COL26A1: variants seen among roughly 807,000 people sequenced by gnomAD.
COL26A1 encodes collagen alpha-1(XXVI) chain.
In COL26A1, 41 loss-of-function variants were observed where a neutral mutation model predicts 59.3. That is an observed-to-expected ratio of 0.69 (90% CI 0.54 to 0.90). COL26A1 has a LOEUF of 0.90. COL26A1 is among the 40% of genes least tolerant of loss of function. The probability of loss-of-function intolerance (pLI) is 0.00; values close to 1 mark genes in which losing one functional copy is unlikely to be tolerated. For synonymous variants in COL26A1, 266 were observed against 256.0 expected (o/e 1.04, Z -0.37); for missense variants, 612 against 602.3 (o/e 1.02, Z -0.17).
chr7:101,430,605 A>G (rs1235669841), intron 2 of COL26A1, among the ~76,000 whole-genome samples: 1 of 150,908 alleles, frequency 6.6e-6, no homozygotes, highest in African/African-American at 2.4e-5. Flanking sequence ...TTTAATTTCT[A>G]TGTCCATATG....
At chr7:101,393,759 A>C (rs1019436059) in intron 1 of COL26A1, among the ~76,000 whole-genome samples, 1 of 147,546 alleles carries the variant, frequency 6.8e-6, no homozygotes, top group Non-Finnish European at 1.5e-5. Flanking sequence ...TTTTTAATTT[A>C]TTTTAGAGAC....
chr7:101,409,522 C>A (rs980416166), intron 1 of COL26A1, among the ~76,000 whole-genome samples: 1 of 152,176 alleles, frequency 6.6e-6, no homozygotes, highest in Admixed American at 6.5e-5. Context: ...GCCATGCCAC[C>A]GACTGGGTGG....
intron 3 of COL26A1, among the ~76,000 whole-genome samples, chr7:101,517,218 C>T (rs763892927): frequency 8.5e-5 from 13 of 152,138 alleles, no homozygotes; most frequent in Non-Finnish European, 1.8e-4. Flanking sequence ...TCCGTGTGAG[C>T]GCAGTATTCC....
intron 2 of COL26A1, among the ~76,000 whole-genome samples, chr7:101,425,759 G>A (rs185411942): frequency 2.0e-5 from 3 of 150,222 alleles, no homozygotes; most frequent in African/African-American, 4.9e-5. Context: ...GGCCTCCCTC[G>A]GCCTCCCAAA....
chr7:101,521,329 G>T (rs1795137444), intron 3 of COL26A1, among the ~76,000 whole-genome samples: 1 of 152,260 alleles, frequency 6.6e-6, no homozygotes, highest in South Asian at 2.1e-4. Context: ...CCTATCTCAG[G>T]TATTTGGTTC....
intron 3 of COL26A1, among the ~76,000 whole-genome samples, chr7:101,457,311 T>C (rs901093906): frequency 6.6e-6 from 1 of 152,150 alleles, no homozygotes; most frequent in Admixed American, 6.6e-5. Flanking sequence ...TAGGAGCAAC[T>C]GGGGAAGTCA....
intron 3 of COL26A1, among the ~76,000 whole-genome samples, chr7:101,473,680 A>AAAAAC (rs1309363517): frequency 6.6e-6 from 1 of 151,642 alleles, no homozygotes; most frequent in Non-Finnish European, 1.5e-5. Context: ...AAACAAAAAC[A>AAAAAC]AAAACAAAAC....
chr7:101,535,618 T>C (rs1309273695), intron 4 of COL26A1, among the ~76,000 whole-genome samples: 1 of 152,114 alleles, frequency 6.6e-6, no homozygotes, highest in Admixed American at 6.5e-5. Flanking sequence ...TGACCCTGAG[T>C]GAGAGGACTG....
rs983547203 is a variant in COL26A1, at chr7:101,555,775, C to G, written c.1081-12C>G. On this transcript the variant is annotated splice_polypyrimidine_tract_variant and intron_variant, in intron 11 of 12. Transcript: ENST00000313669. ...TGGCCGGCCCTGACCCTGCCTGTTTCCTCCCCGCCAGGGCGAGGGGGTGCA... is the reference window on the plus strand; with the variant it reads ...TGGCCGGCCCTGACCCTGCCTGTTTGCTCCCCGCCAGGGCGAGGGGGTGCA... 2.5e-6 allele frequency: 4 copies of G among 1,602,156 alleles called. No individual in the cohort carries two copies. The Admixed American group carries it at 6.8e-5, about 27-fold the overall frequency.
chr7:101,386,004 C>T (rs1446262965), intron 1 of COL26A1, among the ~76,000 whole-genome samples: 2 of 152,196 alleles, frequency 1.3e-5, no homozygotes, highest in East Asian at 1.9e-4. Flanking sequence ...AGCCACCGCG[C>T]CCGGCCACAA....
At chr7:101,403,184 A>G (rs866441182) in intron 1 of COL26A1, among the ~76,000 whole-genome samples, 2 of 152,116 alleles carry the variant, frequency 1.3e-5, no homozygotes, top group Non-Finnish European at 1.5e-5. Context: ...CCATAGAGAG[A>G]TGGTTTCAGG....
intron 2 of COL26A1, 87 bp from the exon 3 acceptor site, chr7:101,447,597 A>G: frequency 3.2e-6 from 3 of 951,490 alleles, no homozygotes; most frequent in Non-Finnish European, 4.9e-6. Context: ...CTGGCTGGGC[A>G]AAACAGCCTG....
rs75394205 is a variant in COL26A1 at position 101,528,034 on chromosome 7, C to T, written c.386-5048C>T. ...ACAGATGCCAAGGGAATGAAAATCC[C>T]GTCCGGTTCTGGAGCGCCTGCCCGG... On this transcript the variant is annotated intron_variant, in intron 3 of 12. Coordinates refer to ENST00000313669, the MANE Select transcript of COL26A1 (RefSeq NM_001278563.3). 9.7e-4 allele frequency among the ~76,000 whole-genome samples: 147 copies of T among 152,276 alleles called. 5 individuals are homozygous for T. In the East Asian group the frequency reaches 0.026, roughly 27 times the overall value.
intron 3 of COL26A1, among the ~76,000 whole-genome samples, chr7:101,514,061 C>T (rs1375956214): frequency 6.6e-6 from 1 of 152,140 alleles, no homozygotes; most frequent in African/African-American, 2.4e-5. Flanking sequence ...CAAGGCTCGG[C>T]ACGGTGGCTC....
At chr7:101,418,842 G>A (rs1039073879) in intron 1 of COL26A1, among the ~76,000 whole-genome samples, 13 of 152,006 alleles carry the variant, frequency 8.6e-5, no homozygotes, top group Non-Finnish European at 1.5e-5. Flanking sequence ...GTTTGTGTAC[G>A]TCCCTTCCTC....
chr7:101,550,670 G>C (rs1379100216), intron 9 of COL26A1, among the ~76,000 whole-genome samples: 1 of 152,100 alleles, frequency 6.6e-6, no homozygotes, highest in East Asian at 1.9e-4. Context: ...CCTTTGGAGA[G>C]AGGGGGAGTG....
intron 4 of COL26A1, among the ~76,000 whole-genome samples, chr7:101,538,497 C>T (rs943417837): frequency 2.6e-5 from 4 of 152,214 alleles, no homozygotes; most frequent in South Asian, 2.1e-4. Flanking sequence ...TTTGTGATGT[C>T]GCCGCAGTGA....
chr7:101,489,635 T>TCTTTCTTTCTG (rs1794345365), intron 3 of COL26A1, among the ~76,000 whole-genome samples: 1 of 67,296 alleles, frequency 1.5e-5, no homozygotes, highest in Non-Finnish European at 2.6e-5. Context: ...CTTTCTTTCT[T>TCTTTCTTTCTG]TCTTTCTTTC....
At chr7:101,389,854 T>C (rs1217318031) in intron 1 of COL26A1, among the ~76,000 whole-genome samples, 2 of 152,018 alleles carry the variant, frequency 1.3e-5, no homozygotes, top group African/African-American at 4.8e-5. Context: ...CGTCTGGCAA[T>C]TTTTTGTATT....
Sources: gnomAD v4.1 joint callset for allele counts (sites outside exome capture counted in the v4.1 genomes callset) on GRCh38, gnomAD v4.1.1 for gene constraint, MANE v1.5 for transcripts, NCBI Gene and HGNC (gene_info 2026-07-23, HGNC 2026-07-21) for gene names.